RALGPS2: variants seen among roughly 807,000 people sequenced by gnomAD.
RALGPS2 encodes ras-specific guanine nucleotide-releasing factor RalGPS2.
In RALGPS2, 43 loss-of-function variants were observed where a neutral mutation model predicts 86.8. The observed-to-expected ratio is 0.50, with a 90% confidence interval of 0.39 to 0.64. RALGPS2 has a LOEUF of 0.64. Ranked by LOEUF, RALGPS2 falls within the 30% of genes least tolerant of loss-of-function variation. The pLI is 0.00. For synonymous variants in RALGPS2, 243 were observed against 231.3 expected, an observed-to-expected ratio of 1.05 and a Z score of -0.46; for missense variants, 536 against 694.6, an observed-to-expected ratio of 0.77 and a Z score of 2.57.
At chr1:178,752,050 T>G (rs1334129029) in intron 1 of RALGPS2, among the ~76,000 whole-genome samples, 2 of 152,186 alleles carry the variant, frequency 1.3e-5, no homozygotes, top group Non-Finnish European at 1.5e-5. Context: ...AATTTGTAAT[T>G]TACTGAGCCC....
chr1:178,851,359 A>T, intron 8 of RALGPS2: 4 of 1,564,028 alleles, frequency 2.6e-6, no homozygotes, highest in Non-Finnish European at 3.5e-6. Context: ...AGTTTCTTCT[A>T]GGTGTGGTAC....
At chr1:178,878,275 T>C (rs1659082852) in intron 9 of RALGPS2, among the ~76,000 whole-genome samples, 1 of 152,152 alleles carries the variant, frequency 6.6e-6, no homozygotes, top group South Asian at 2.1e-4. Context: ...AAAGTTAGGC[T>C]GTTAATACAT....
intron 1 of RALGPS2, among the ~76,000 whole-genome samples, chr1:178,737,952 G>GT (rs1031226189): frequency 6.6e-6 from 1 of 151,288 alleles, no homozygotes; most frequent in Non-Finnish European, 1.5e-5. Context: ...TAATTTTTTT[G>GT]TTTTTTTGTA....
intron 2 of RALGPS2, among the ~76,000 whole-genome samples, chr1:178,783,139 A>G (rs765437411): frequency 3.3e-5 from 5 of 152,222 alleles, no homozygotes; most frequent in Non-Finnish European, 7.3e-5. Flanking sequence ...TGGATAATAT[A>G]GGCAGGGATA....
intron 18 of RALGPS2, among the ~76,000 whole-genome samples, chr1:178,903,294 C>A (rs1357173113): frequency 6.6e-6 from 1 of 151,930 alleles, no homozygotes; most frequent in Non-Finnish European, 1.5e-5. Flanking sequence ...AAAATAATAC[C>A]AAAATGTCTT....
chr1:178,920,627 C>T lies in RALGPS2; in HGVS notation c.*4268C>T, dbSNP rs991748663. The T allele has an allele frequency of 6.6e-6, 1 of 151,882 alleles. No individual in the cohort carries two copies. Among genetic ancestry groups the T allele is most frequent in the South Asian group, 2.1e-4 (1 of 4,816 alleles). 9.4% of individuals were successfully genotyped at this position (151,882 alleles called of 1,614,324 possible). On this transcript the variant is annotated 3_prime_UTR_variant, in exon 20 of 20. Transcript: ENST00000367635. The stretch of plus-strand genomic sequence containing the variant: ...AGTAGGAGATTAAAAATAAACCCAC[C>T]CCAGTCAACCTTTAGATAAGCACTC...
chr1:178,734,226 T>C (rs940815816), intron 1 of RALGPS2, among the ~76,000 whole-genome samples: 1 of 152,224 alleles, frequency 6.6e-6, no homozygotes, highest in East Asian at 1.9e-4. Flanking sequence ...GGCAAGGATG[T>C]TAAGAAATTG....
intron 1 of RALGPS2, among the ~76,000 whole-genome samples, chr1:178,764,138 T>C (rs1652384280): frequency 8.1e-6 from 1 of 123,700 alleles, no homozygotes; most frequent in African/African-American, 3.5e-5. Context: ...TTTATGGATC[T>C]GGCTGCTCCT....
At chr1:178,864,375 C>G (rs2862520) in intron 8 of RALGPS2, among the ~76,000 whole-genome samples, 71,216 of 151,708 alleles carry the variant, frequency 0.47, 18,096 homozygotes, top group African/African-American at 0.66. Context: ...TTGAGGCTGA[C>G]GGCAAGAAGG....
rs1160992568 is a variant in RALGPS2 at position 178,920,808 on chromosome 1, C to G, written c.*4449C>G. 6.6e-6 allele frequency: 1 copy of G among 151,954 alleles called. No individual in the cohort carries two copies. Among genetic ancestry groups the G allele is most frequent in the African/African-American group, 2.4e-5 (1 of 41,400 alleles). 9.4% of individuals were successfully genotyped at this position (151,954 alleles called of 1,614,324 possible). ...TGAGTTTTGTTAAATGTACTGAAAT[C>G]TTGTAATGAAAATCCCTTTGGCCAG... On this transcript the variant is annotated 3_prime_UTR_variant, in exon 20 of 20. Coordinates refer to ENST00000367635, the MANE Select transcript of RALGPS2 (RefSeq NM_152663.5).
Position 178,827,830 on chromosome 1 carries a change from C to G in RALGPS2, c.481-5594C>G, listed in dbSNP as rs138877333. On this transcript the variant is annotated intron_variant, in intron 7 of 19. Coordinates refer to ENST00000367635, the MANE Select transcript of RALGPS2 (RefSeq NM_152663.5). ...ATACACACATTTACAGTCAATTGAT[C>G]CTCAACAAAGATAACAAGAACACAC... Among the ~76,000 whole-genome samples the G allele has an allele frequency of 3.3e-5, 5 of 152,224 alleles. No individual in the cohort carries two copies. In the East Asian group the frequency reaches 7.7e-4, roughly 23 times the overall value.
At chr1:178,876,811 T>C (rs1435089756) in intron 8 of RALGPS2, among the ~76,000 whole-genome samples, 1 of 152,146 alleles carries the variant, frequency 6.6e-6, no homozygotes, top group East Asian at 1.9e-4. Flanking sequence ...TTTTAGAGGA[T>C]GTGTTATTTT....
chr1:178,798,457 A>G (rs1654311349), intron 4 of RALGPS2, among the ~76,000 whole-genome samples: 2 of 152,318 alleles, frequency 1.3e-5, no homozygotes, highest in African/African-American at 4.8e-5. Flanking sequence ...GAATAATACC[A>G]TGAGACCCAT....
chr1:178,742,005 G>A (rs1480295160), intron 1 of RALGPS2, among the ~76,000 whole-genome samples: 6 of 151,714 alleles, frequency 4.0e-5, no homozygotes, highest in South Asian at 2.1e-4. Context: ...GCATGGTGAC[G>A]CACGCCTGTA....
intron 8 of RALGPS2, chr1:178,853,125 CTTT>C: frequency 3.0e-6 from 3 of 985,336 alleles, no homozygotes; most frequent in Non-Finnish European, 2.4e-6. Flanking sequence ...TTGTCATTCT[CTTT>C]TTGTTTGTTT....
chr1:178,821,107 G>A (rs569704476), intron 6 of RALGPS2, among the ~76,000 whole-genome samples: 4 of 152,298 alleles, frequency 2.6e-5, no homozygotes, highest in South Asian at 4.1e-4. Context: ...AAGGATCTGG[G>A]GATTTGGGTA....
chr1:178,803,627 G>C (rs1055238775), intron 4 of RALGPS2, among the ~76,000 whole-genome samples: 12 of 152,012 alleles, frequency 7.9e-5, no homozygotes, highest in African/African-American at 2.7e-4. Context: ...AATATAAAAT[G>C]ATCATATAGC....
At chr1:178,747,772 G>C in intron 1 of RALGPS2, 1 of 856,480 alleles carries the variant, frequency 1.2e-6, no homozygotes, top group South Asian at 1.4e-5. Context: ...GGAGCGAGCT[G>C]GTGCGAGCAG....
chr1:178,800,715 G>C (rs968052979), intron 4 of RALGPS2, among the ~76,000 whole-genome samples: 2 of 152,024 alleles, frequency 1.3e-5, no homozygotes, highest in Non-Finnish European at 2.9e-5. Flanking sequence ...AGTTAGATGT[G>C]GGTTTTCAAC....
Sources: gnomAD v4.1 joint callset for allele counts (sites outside exome capture counted in the v4.1 genomes callset) on GRCh38, gnomAD v4.1.1 for gene constraint, MANE v1.5 for transcripts, NCBI Gene and HGNC (gene_info 2026-07-23, HGNC 2026-07-21) for gene names.